Variants in NDRG1 observed in about 807,000 individuals in gnomAD.
The protein encoded by NDRG1 is protein NDRG1.
Under a neutral mutation model 56.9 loss-of-function variants are expected in NDRG1, and 32 were observed. That is an observed-to-expected ratio of 0.56 (90% confidence interval 0.42 to 0.76). The LOEUF (loss-of-function observed/expected upper bound fraction) is 0.76, where lower values mean the gene tolerates loss of function less well. Among genes scored for constraint, NDRG1 ranks in the 30% least tolerant of loss-of-function variants. The pLI, the probability that NDRG1 is intolerant of heterozygous loss-of-function variation, is 0.00. For synonymous variants in NDRG1, 211 were observed against 204.1 expected, an observed-to-expected ratio of 1.03 and a Z score of -0.29; for missense variants, 507 against 545.7, an observed-to-expected ratio of 0.93 and a Z score of 0.71.
rs1373550803 is a variant in NDRG1 at position 133,237,840 on chromosome 8, A to C, written c.*1038T>G. ...CAATCACACAAAATTCCTGGAACCA[A>C]GCTGGGATCCACAGAAATCACAACT... On this transcript the variant is annotated 3_prime_UTR_variant, in exon 16 of 16. Transcript: ENST00000323851. 2 of 233,020 alleles carry C rather than the reference A, an allele frequency of 8.6e-6. No individual in the cohort carries two copies. Among genetic ancestry groups the C allele is most frequent in the Non-Finnish European group, 1.7e-5 (2 of 118,004 alleles). The allele number at this position is 233,020 out of a possible 1,614,324, so 14.4% of individuals were successfully genotyped here.
intron 7 of NDRG1, among the ~76,000 whole-genome samples, chr8:133,257,079 A>C (rs892630663): frequency 1.2e-4 from 19 of 152,194 alleles, no homozygotes; most frequent in Admixed American, 1.2e-3. Flanking sequence ...GAGAAAGAGG[A>C]AGTGCAGGAG....
chr8:133,268,788 C>T (rs149112223), intron 3 of NDRG1, among the ~76,000 whole-genome samples: 10 of 152,136 alleles, frequency 6.6e-5, no homozygotes, highest in Non-Finnish European at 1.2e-4. Context: ...GTTCCTGGCC[C>T]CCCAGCACAC....
chr8:133,266,769 G>C (rs551340195), intron 3 of NDRG1, among the ~76,000 whole-genome samples: 83 of 152,276 alleles, frequency 5.5e-4, no homozygotes, highest in African/African-American at 1.9e-3. Context: ...GGGACGAGTG[G>C]GTGACAACTC....
chr8:133,290,000 T>A lies in NDRG1; in HGVS notation c.-18-5671A>T, dbSNP rs1199467419. Among the ~76,000 whole-genome samples, 5 of 152,126 alleles carry A rather than the reference T, an allele frequency of 3.3e-5. 1 individual carries two copies. The highest frequency in any genetic ancestry group is 3.3e-4 in the Admixed American group (5 of 15,272). On this transcript the variant is annotated intron_variant, in intron 1 of 15. Coordinates refer to ENST00000323851, the MANE Select transcript of NDRG1 (RefSeq NM_006096.4). Reference sequence around the variant, plus strand: ...AATGGAAACCCAGGCAGGAAGGTGCTTCACCAAGACAAAAGGGCCACAGGG... The same window carrying A: ...AATGGAAACCCAGGCAGGAAGGTGCATCACCAAGACAAAAGGGCCACAGGG...
Position 133,237,834 on chromosome 8 carries a change from G to C in NDRG1, c.*1044C>G, listed in dbSNP as rs973033664. 1 of 232,840 alleles carries C rather than the reference G, an allele frequency of 4.3e-6. No homozygotes were observed. Among genetic ancestry groups the C allele is most frequent in the African/African-American group, 2.2e-5 (1 of 45,270 alleles). 14.4% of individuals were successfully genotyped at this position (232,840 alleles called of 1,614,324 possible). ...TTAAGCCAATCACACAAAATTCCTG[G>C]AACCAAGCTGGGATCCACAGAAATC... On this transcript the variant is annotated 3_prime_UTR_variant, in exon 16 of 16. Transcript: ENST00000323851.
At chr8:133,268,863 TCA>T (rs10569573) in intron 3 of NDRG1, among the ~76,000 whole-genome samples, 15,199 of 149,372 alleles carry the variant, frequency 0.1, 919 homozygotes, top group African/African-American at 0.16. Context: ...ATCCCCTAAG[TCA>T]CACACACACA....
intron 10 of NDRG1, chr8:133,249,455 G>C (rs1356255292): frequency 1.3e-5 from 2 of 156,404 alleles, no homozygotes; most frequent in Non-Finnish European, 2.8e-5. Flanking sequence ...GAGAACACAG[G>C]ATCTCTTTGC....
intron 5 of NDRG1, 37 bp from the exon 6 acceptor site, chr8:133,259,267 G>A (rs372528172): frequency 1.6e-5 from 26 of 1,597,042 alleles, no homozygotes; most frequent in Middle Eastern, 1.7e-4. Context: ...GTGAGCGCCC[G>A]GACAGAAACG....
Position 133,238,264 on chromosome 8 carries a change from G to A in NDRG1, c.*614C>T. 4.3e-6 allele frequency: 1 copy of A among 232,612 alleles called. No homozygotes were observed. Among genetic ancestry groups the A allele is most frequent in the Non-Finnish European group, 8.5e-6 (1 of 117,684 alleles). The allele number at this position is 232,612 out of a possible 1,614,324, so 14.4% of individuals were successfully genotyped here. A position where few individuals can be genotyped will look rare whatever the true frequency, so the allele number is the denominator to read the frequency against. ...CTTCTGCATTCAAAGCTTTCTAGAT[G>A]CACCAACTTTAAAAATCGGTTTCTT... is the stretch of plus-strand genomic sequence containing the variant. On this transcript the variant is annotated 3_prime_UTR_variant, in exon 16 of 16. Transcript: ENST00000323851.
intron 1 of NDRG1, among the ~76,000 whole-genome samples, chr8:133,294,412 T>A (rs1429334407): frequency 6.6e-6 from 1 of 152,124 alleles, no homozygotes; most frequent in Admixed American, 6.6e-5. Flanking sequence ...TGGCCTTCCT[T>A]CCAGGCTGAG....
rs1855169262 is a variant in NDRG1 at position 133,238,267 on chromosome 8, C to T, written c.*611G>A. 3 of 232,542 alleles carry T rather than the reference C, an allele frequency of 1.3e-5. No homozygotes were observed. Among genetic ancestry groups the T allele is most frequent in the South Asian group, 1.8e-4 (1 of 5,534 alleles). 14.4% of individuals were successfully genotyped at this position (232,542 alleles called of 1,614,324 possible). A position where few individuals can be genotyped will look rare whatever the true frequency, so the allele number is the denominator to read the frequency against. ...CTGCATTCAAAGCTTTCTAGATGCA[C>T]CAACTTTAAAAATCGGTTTCTTCAA... On this transcript the variant is annotated 3_prime_UTR_variant, in exon 16 of 16. Coordinates refer to ENST00000323851, the MANE Select transcript of NDRG1 (RefSeq NM_006096.4).
Position 133,238,444 on chromosome 8 carries a change from T to A in NDRG1, c.*434A>T, listed in dbSNP as rs1855180645. On this transcript the variant is annotated 3_prime_UTR_variant, in exon 16 of 16. Transcript: ENST00000323851. Reference sequence around the variant, plus strand: ...AGAAAAGGATTTTGTTTCCGGAAACTGGATCAGCTTCTCCTCAGTTAAAGA... The same window carrying A: ...AGAAAAGGATTTTGTTTCCGGAAACAGGATCAGCTTCTCCTCAGTTAAAGA... The A allele has an allele frequency of 3.9e-6, 1 of 257,422 alleles. No homozygotes were observed. Among genetic ancestry groups the A allele is most frequent in the Non-Finnish European group, 7.5e-6 (1 of 134,114 alleles). 15.9% of individuals were successfully genotyped at this position (257,422 alleles called of 1,614,324 possible).
intron 3 of NDRG1, among the ~76,000 whole-genome samples, chr8:133,278,673 T>A (rs534685968): frequency 6.6e-6 from 1 of 152,132 alleles, no homozygotes; most frequent in South Asian, 2.1e-4. Flanking sequence ...CCTGTTATCA[T>A]GAGATATTGA....
At chr8:133,244,228 C>A in intron 14 of NDRG1, 127 bp downstream of exon 14, 1 of 1,221,256 alleles carries the variant, frequency 8.2e-7, no homozygotes, top group African/African-American at 1.5e-5. Context: ...CACCTTTTCC[C>A]AACAGTCCAC....
At chr8:133,280,161 C>T (rs1857703361) in intron 3 of NDRG1, 71 bp downstream of exon 3, 1 of 1,573,918 alleles carries the variant, frequency 6.4e-7, no homozygotes, top group Non-Finnish European at 8.7e-7. Context: ...TCTACTTAAA[C>T]CAATGGAAAG....
intron 5 of NDRG1, among the ~76,000 whole-genome samples, chr8:133,260,277 C>T (rs962298437): frequency 2.6e-5 from 4 of 152,192 alleles, no homozygotes; most frequent in East Asian, 1.9e-4. Context: ...GGATCCCCTA[C>T]CCTGCTCTGC....
intron 3 of NDRG1, among the ~76,000 whole-genome samples, chr8:133,272,107 G>C (rs918652686): frequency 6.6e-6 from 1 of 152,178 alleles, no homozygotes; most frequent in African/African-American, 2.4e-5. Context: ...GTCACTTCTC[G>C]CTTCATTCCC....
intron 1 of NDRG1, among the ~76,000 whole-genome samples, chr8:133,291,887 C>G (rs1858449452): frequency 6.6e-6 from 1 of 152,182 alleles, no homozygotes; most frequent in Non-Finnish European, 1.5e-5. Context: ...TGAAACTGAA[C>G]TGCTGTGTGT....
chr8:133,250,679 A>G (rs888761233), intron 9 of NDRG1, 136 bp from the exon 10 acceptor site: 7 of 628,702 alleles, frequency 1.1e-5, no homozygotes, highest in African/African-American at 9.5e-5. Context: ...CGACGGACCT[A>G]AAAAAAAAAC....
Sources: gnomAD v4.1 joint callset for allele counts (sites outside exome capture counted in the v4.1 genomes callset) on GRCh38, gnomAD v4.1.1 for gene constraint, MANE v1.5 for transcripts, NCBI Gene and HGNC (gene_info 2026-07-23, HGNC 2026-07-21) for gene names.